The following COL5A1 variants were observed in gnomAD, a reference collection of about 807,000 sequenced individuals.
COL5A1 encodes collagen alpha-1(V) chain.
A neutral mutation model predicts 263.7 loss-of-function variants in COL5A1; 16 were observed. That is an observed-to-expected ratio of 0.06 (90% CI 0.04 to 0.09). COL5A1 has a LOEUF of 0.09. Ranked by LOEUF, COL5A1 falls within the 10% of genes least tolerant of loss-of-function variation. The pLI, the probability that COL5A1 is intolerant of heterozygous loss-of-function variation, is 1.00. For synonymous variants in COL5A1, 1,012 were observed against 1,004.5 expected (o/e 1.01, Z -0.14); for missense variants, 2,036 against 2,540.5 (o/e 0.80, Z 4.27).
At chr9:134,832,382 G>A (rs1839672690) in intron 64 of COL5A1, among the ~76,000 whole-genome samples, 1 of 152,124 alleles carries the variant, frequency 6.6e-6, no homozygotes, top group Admixed American at 6.5e-5. Context: ...CTCCATCCTG[G>A]GGGACAGGGT....
intron 1 of COL5A1, among the ~76,000 whole-genome samples, chr9:134,660,253 C>G (rs1832162439): frequency 6.6e-6 from 1 of 152,200 alleles, no homozygotes; most frequent in African/African-American, 2.4e-5. Context: ...TGCCAAGGAC[C>G]AGGCTCAAAA....
intron 21 of COL5A1, among the ~76,000 whole-genome samples, chr9:134,766,096 G>A (rs1476243743): frequency 6.6e-6 from 1 of 152,212 alleles, no homozygotes; most frequent in Admixed American, 6.5e-5. Context: ...ATTCTGGAAG[G>A]AGGCTGAAGC....
Position 134,758,413 on chromosome 9 carries a change from C to G in COL5A1, c.1935+117C>G, listed in dbSNP as rs1564436535. On this transcript the variant is annotated intron_variant, in intron 18 of 65. Transcript: ENST00000371817. The surrounding 1 kb of genome is among the most constrained non-coding windows in gnomAD (Gnocchi z 4.1). ...CCTGTGGGGTCAGGTCTCCGCCATT[C>G]CAACAGTCAGTATACAAACCTCACG... The G allele has an allele frequency of 9.8e-7, 1 of 1,022,636 alleles. No homozygotes were observed. The highest frequency in any genetic ancestry group is 2.5e-5 in the East Asian group (1 of 40,030). 63.3% of individuals were successfully genotyped at this position (1,022,636 alleles called of 1,614,324 possible). A position where few individuals can be genotyped will look rare whatever the true frequency, so the allele number is the denominator to read the frequency against.
chr9:134,804,889 G>A (rs1838240673), intron 39 of COL5A1, 86 bp from the exon 40 acceptor site: 6 of 1,167,066 alleles, frequency 5.1e-6, no homozygotes, highest in African/African-American at 1.5e-5. Flanking sequence ...CAAGAGAGAA[G>A]GCCCCAGCCC....
At chr9:134,813,645 G>C (rs974890869) in intron 48 of COL5A1, among the ~76,000 whole-genome samples, 1 of 152,168 alleles carries the variant, frequency 6.6e-6, no homozygotes, top group Non-Finnish European at 1.5e-5. Flanking sequence ...CTCCTGCCTC[G>C]GCCCTGGCCA....
intron 11 of COL5A1, among the ~76,000 whole-genome samples, chr9:134,739,043 C>T (rs1835206775): frequency 2.0e-5 from 3 of 152,236 alleles, no homozygotes; most frequent in African/African-American, 4.8e-5. Flanking sequence ...TGCCAGTGCT[C>T]AGCCCAGACG....
Position 134,678,449 on chromosome 9 carries a change from G to A in COL5A1, c.110-12463G>A, listed in dbSNP as rs138945787. Among the ~76,000 whole-genome samples, 10 of 152,308 alleles carry A rather than the reference G, an allele frequency of 6.6e-5. No homozygotes were observed. Among genetic ancestry groups the A allele is most frequent in the East Asian group, 3.9e-4 (2 of 5,186 alleles). On this transcript the variant is annotated intron_variant, in intron 1 of 65. Transcript: ENST00000371817. The surrounding 1 kb of genome is among the most constrained non-coding windows in gnomAD (Gnocchi z 5.5). ...AACAGGCTCATTGCAGTGGCCTGCC[G>A]CCCCGGTGTGTGTCCCTGACTCAGG...
intron 11 of COL5A1, among the ~76,000 whole-genome samples, chr9:134,744,875 TCACA>T (rs974311465): frequency 6.7e-6 from 1 of 148,792 alleles, no homozygotes; most frequent in Non-Finnish European, 1.5e-5. Flanking sequence ...ACACATGCAC[TCACA>T]CACCTGCACA....
intron 41 of COL5A1, 90 bp downstream of exon 41, chr9:134,805,304 G>T: frequency 1.4e-6 from 2 of 1,460,536 alleles, no homozygotes; most frequent in Non-Finnish European, 9.6e-7. Context: ...GCATGCAGCT[G>T]CCCCAGACCC....
chr9:134,840,218 T>C (rs1839980372), intron 65 of COL5A1, among the ~76,000 whole-genome samples: 1 of 152,208 alleles, frequency 6.6e-6, no homozygotes, highest in African/African-American at 2.4e-5. Flanking sequence ...GCGTTCTCTC[T>C]GAAGTTCCAA....
In COL5A1 at chr9:134,817,573, C is replaced by T. The variant is rs550512386; in HGVS notation, c.4177-205C>T. ...GTCCATAGGACTCATGCTGAGGACC[C>T]GTGTCACTGCGGGTGGCCCGGGAGC... On this transcript the variant is annotated intron_variant, in intron 53 of 65. Transcript: ENST00000371817. 1.1e-4 allele frequency among the ~76,000 whole-genome samples: 16 copies of T among 152,248 alleles called. No homozygotes were observed. In the South Asian group the frequency reaches 2.1e-3, roughly 20 times the overall value.
intron 1 of COL5A1, among the ~76,000 whole-genome samples, chr9:134,667,828 G>C (rs1473627714): frequency 1.3e-5 from 2 of 152,200 alleles, no homozygotes; most frequent in South Asian, 2.1e-4. Flanking sequence ...GTTCATCCTA[G>C]AAAAGGAGCT....
At chr9:134,770,221 CAG>C (rs1162425679) in intron 25 of COL5A1, among the ~76,000 whole-genome samples, 4 of 152,214 alleles carry the variant, frequency 2.6e-5, no homozygotes, top group Admixed American at 2.6e-4. Flanking sequence ...GTAAACCCTA[CAG>C]AGAGAGTTTT....
intron 65 of COL5A1, among the ~76,000 whole-genome samples, chr9:134,837,629 G>C (rs1190218677): frequency 1.3e-5 from 2 of 151,646 alleles, no homozygotes; most frequent in African/African-American, 4.8e-5. Flanking sequence ...GGTCAAGCTG[G>C]GATCATTTAA....
chr9:134,747,794 TACAC>T (rs1357473130), intron 11 of COL5A1, among the ~76,000 whole-genome samples: 3 of 126,872 alleles, frequency 2.4e-5, no homozygotes, highest in Middle Eastern at 0.013. Flanking sequence ...CATGCATTCA[TACAC>T]ACATGCAGAC....
At chr9:134,644,767 T>C (rs923139214) in intron 1 of COL5A1, among the ~76,000 whole-genome samples, 2 of 152,166 alleles carry the variant, frequency 1.3e-5, no homozygotes, top group African/African-American at 2.4e-5. Context: ...AAGGAGAGTA[T>C]GGGAAATGAA....
intron 28 of COL5A1, among the ~76,000 whole-genome samples, chr9:134,782,297 C>G (rs780752475): frequency 2.0e-5 from 3 of 152,258 alleles, no homozygotes; most frequent in Non-Finnish European, 4.4e-5. Context: ...ATTGTCACCC[C>G]CTTTACCCGT....
intron 37 of COL5A1, among the ~76,000 whole-genome samples, 170 bp downstream of exon 37, chr9:134,798,631 AGGCTGTGAGGCAGGGCCAG>A (rs1838003605): frequency 2.5e-5 from 1 of 39,740 alleles, no homozygotes; most frequent in South Asian, 8.7e-4. Context: ...ACTCAGAGCC[AGGCTGTGAGGCAGGGCCAG>A]GGCAGAGCAG....
intron 2 of COL5A1, among the ~76,000 whole-genome samples, chr9:134,697,761 G>C (rs1272961184): frequency 6.6e-6 from 1 of 152,126 alleles, no homozygotes; most frequent in Non-Finnish European, 1.5e-5. Flanking sequence ...GGTGGGACCA[G>C]CTAAGGCTGT....
Sources: allele counts gnomAD v4.1 joint callset (sites outside exome capture counted in the v4.1 genomes callset), GRCh38; gene constraint gnomAD v4.1.1; non-coding constraint Gnocchi (gnomAD v3.1); transcripts MANE v1.5; gene names NCBI Gene and HGNC (gene_info 2026-07-23, HGNC 2026-07-21).